The following NOP9 variants were observed in gnomAD, a reference collection of about 807,000 sequenced individuals.
NOP9 encodes the protein nucleolar protein 9.
NOP9 carries 50 observed loss-of-function variants against 63.0 expected under a neutral mutation model. The ratio of observed to expected loss-of-function variants is 0.79; its 90% CI spans 0.63 to 1.00. The LOEUF (loss-of-function observed/expected upper bound fraction) is 1.00, where lower values mean the gene tolerates loss of function less well. Ranked by LOEUF, NOP9 falls within the 50% of genes least tolerant of loss-of-function variation. The pLI is 0.00. For missense variants in NOP9, 758 were observed against 803.0 expected, an observed-to-expected ratio of 0.94 and a Z score of 0.68; for synonymous variants, 343 against 332.8, an observed-to-expected ratio of 1.03 and a Z score of -0.33.
the NOP9 span, among the ~76,000 whole-genome samples, chr14:24,282,907 T>C: frequency 1.3e-5 from 2 of 150,254 alleles, no homozygotes; most frequent in Non-Finnish European, 2.9e-5. Context: ...ACCTGGACTC[T>C]GGCTGAGGAA....
At chr14:24,286,032 C>T in the NOP9 span, among the ~76,000 whole-genome samples, 3 of 152,124 alleles carry the variant, frequency 2.0e-5, no homozygotes, top group East Asian at 1.9e-4. Flanking sequence ...CTTCTTCTTT[C>T]CCTGGGCTCC....
chr14:24,303,300 T>G (rs1435491046), intron 6 of NOP9, 86 bp downstream of exon 6: 1 of 1,548,890 alleles, frequency 6.5e-7, no homozygotes, highest in South Asian at 1.1e-5. Context: ...TTTTTGTACC[T>G]CTGGACTCAG....
the NOP9 span, among the ~76,000 whole-genome samples, chr14:24,288,643 C>A: frequency 1.3e-5 from 2 of 152,068 alleles, no homozygotes; most frequent in Non-Finnish European, 2.9e-5. Context: ...CCACCGCGCC[C>A]GACCAGGAAT....
At chr14:24,279,448 G>A in the NOP9 span, among the ~76,000 whole-genome samples, 30 of 152,360 alleles carry the variant, frequency 2.0e-4, no homozygotes, top group South Asian at 3.1e-3. Flanking sequence ...AGACGAAACA[G>A]GTTAGCCAGT....
chr14:24,296,389 A>C, upstream of NOP9: 1 of 946,430 alleles, frequency 1.1e-6, no homozygotes. Context: ...ATGGAATGGA[A>C]GGGAGAAGAA....
Position 24,305,626 on chromosome 14 carries a change from G to C in NOP9, c.*531G>C. 6.2e-7 allele frequency: 1 copy of C among 1,608,894 alleles called. No homozygotes were observed. The highest frequency in any genetic ancestry group is 1.1e-5 in the South Asian group (1 of 90,318). On this transcript the variant is annotated 3_prime_UTR_variant, in exon 10 of 10. Coordinates refer to ENST00000267425, the MANE Select transcript of NOP9 (RefSeq NM_174913.3). ...GAATGATTCTGGGGGCAGAAGCTCAGAGCCCCTTAGTAGGAATGGAGGCGG... is the reference window on the plus strand; with the variant it reads ...GAATGATTCTGGGGGCAGAAGCTCACAGCCCCTTAGTAGGAATGGAGGCGG...
At chr14:24,278,831 G>C in the NOP9 span, among the ~76,000 whole-genome samples, 13 of 152,304 alleles carry the variant, frequency 8.5e-5, no homozygotes, top group Non-Finnish European at 1.3e-4. Flanking sequence ...GGCCCATTTT[G>C]AGAGGGACAG....
chr14:24,298,798 T>C (rs2041309077), upstream of NOP9: 3 of 990,110 alleles, frequency 3.0e-6, no homozygotes, highest in Non-Finnish European at 4.1e-6. Flanking sequence ...CTACCTTACC[T>C]GAAGTTATTT....
At chr14:24,296,959 C>T (rs1250332095), upstream of NOP9, 2 of 1,592,650 alleles carry the variant, frequency 1.3e-6, no homozygotes, top group Non-Finnish European at 1.7e-6. Context: ...CCAAAGTGGG[C>T]TTGAGAACTG....
intron 1 of NOP9, 39 bp from the exon 2 acceptor site, chr14:24,300,369 A>G (rs1326610705): frequency 1.3e-6 from 2 of 1,586,670 alleles, no homozygotes; most frequent in Non-Finnish European, 1.7e-6. Flanking sequence ...TGTATTCTCT[A>G]CTAAGTCTCT....
At chr14:24,296,917 A>T (rs904105488), upstream of NOP9, 2 of 1,613,532 alleles carry the variant, frequency 1.2e-6, no homozygotes, top group Admixed American at 1.7e-5. Flanking sequence ...TCACATTCAC[A>T]CATGGGTGTG....
the NOP9 span, chr14:24,271,369 G>A: frequency 7.6e-6 from 3 of 396,298 alleles, no homozygotes; most frequent in Middle Eastern, 6.6e-4. Context: ...CGATTCGCCC[G>A]GGCCAGAGCG....
chr14:24,306,692 G>T lies in NOP9; in HGVS notation c.*1597G>T. Reference sequence around the variant, plus strand: ...CAGCTCTCCGTGTTCTTCAGTTTTTGGGGGATCCTAGCTAGAGGCTGACCT... The same window carrying T: ...CAGCTCTCCGTGTTCTTCAGTTTTTTGGGGATCCTAGCTAGAGGCTGACCT... On this transcript the variant is annotated 3_prime_UTR_variant, in exon 10 of 10. Coordinates refer to ENST00000267425, the MANE Select transcript of NOP9 (RefSeq NM_174913.3). 1 of 764,776 alleles carries T rather than the reference G, an allele frequency of 1.3e-6. No individual in the cohort carries two copies. Among genetic ancestry groups the T allele is most frequent in the Non-Finnish European group, 2.1e-6 (1 of 477,010 alleles). 47.4% of individuals were successfully genotyped at this position (764,776 alleles called of 1,614,324 possible).
the NOP9 span, chr14:24,290,741 G>T: frequency 7.5e-7 from 1 of 1,325,006 alleles, no homozygotes; most frequent in Non-Finnish European, 1.1e-6. Flanking sequence ...ACAGCAGAGG[G>T]CTTCTCTTCA....
chr14:24,292,157 T>C, the NOP9 span: 2 of 1,613,992 alleles, frequency 1.2e-6, no homozygotes. Flanking sequence ...CCCTGTTCTC[T>C]GCTTCCTTCG....
At chr14:24,280,099 T>G in the NOP9 span, among the ~76,000 whole-genome samples, 2 of 152,152 alleles carry the variant, frequency 1.3e-5, no homozygotes, top group East Asian at 1.9e-4. Context: ...TGATCCACGC[T>G]AGGGTGGGGG....
chr14:24,303,205 CT>C lies in NOP9; in HGVS notation c.1277del (p.Leu426CysfsTer24). 6.2e-7 allele frequency: 1 copy of C among 1,614,090 alleles called. No homozygotes were observed. The highest frequency in any genetic ancestry group is 1.3e-5 in the African/African-American group (1 of 75,016). ...CCTACCAAGCCAAGGTCCTACAGCT[CT>C]TGTTGGAGGTGAGTGGATATTACCC... ...GAYQAKVLQL[L>X]LEAFHCAEPS... On this transcript the variant is annotated frameshift_variant, in exon 6 of 10. Transcript: ENST00000267425. LOFTEE classifies it high-confidence loss of function.
chr14:24,306,299 G>A lies in NOP9; in HGVS notation c.*1204G>A. 2 of 1,593,538 alleles carry A rather than the reference G, an allele frequency of 1.3e-6. No individual in the cohort carries two copies. Among genetic ancestry groups the A allele is most frequent in the South Asian group, 1.1e-5 (1 of 89,886 alleles). ...TCCTGCACCTGGTCCCCAGGATCAG[G>A]GTTAAGCTAGAGAGGAAGCCCGGGA... On this transcript the variant is annotated 3_prime_UTR_variant, in exon 10 of 10. Coordinates refer to ENST00000267425, the MANE Select transcript of NOP9 (RefSeq NM_174913.3).
chr14:24,299,082 C>T (rs768671081), upstream of NOP9: 1 of 1,613,796 alleles, frequency 6.2e-7, no homozygotes, highest in South Asian at 1.1e-5. Flanking sequence ...ACCACACACA[C>T]TTGGCCATTC....
Sources: gnomAD v4.1 joint callset for allele counts (sites outside exome capture counted in the v4.1 genomes callset) on GRCh38, gnomAD v4.1.1 for gene constraint, MANE v1.5 for transcripts, NCBI Gene and HGNC (gene_info 2026-07-23, HGNC 2026-07-21) for gene names.